AJAP1: variants seen among roughly 807,000 people sequenced by gnomAD.
The protein encoded by AJAP1 is adherens junction-associated protein 1.
Under a neutral mutation model 35.0 loss-of-function variants are expected in AJAP1, and 5 were observed. The observed-to-expected ratio is 0.14, with a 90% CI of 0.07 to 0.30. AJAP1 has a LOEUF of 0.30. Among genes scored for constraint, AJAP1 ranks in the 10% least tolerant of loss-of-function variants. The pLI, the probability that AJAP1 is intolerant of heterozygous loss-of-function variation, is 1.00. For synonymous variants in AJAP1, 284 were observed against 249.3 expected, an observed-to-expected ratio of 1.14 and a Z score of -1.31; for missense variants, 586 against 571.0, an observed-to-expected ratio of 1.03 and a Z score of -0.27.
At chr1:4,768,019 C>A (rs1641728612) in intron 2 of AJAP1, among the ~76,000 whole-genome samples, 2 of 152,186 alleles carry the variant, frequency 1.3e-5, no homozygotes, top group Non-Finnish European at 2.9e-5. Flanking sequence ...AGGGGTGGTC[C>A]CTGTTGCATA....
chr1:4,770,925 A>G (rs755154910), intron 3 of AJAP1, among the ~76,000 whole-genome samples: 2 of 152,068 alleles, frequency 1.3e-5, no homozygotes, highest in Non-Finnish European at 2.9e-5. Flanking sequence ...TTCTGGAGAC[A>G]GGGGATGAGA....
chr1:4,724,328 C>T (rs935046125), intron 2 of AJAP1, among the ~76,000 whole-genome samples: 4 of 152,130 alleles, frequency 2.6e-5, no homozygotes, highest in Admixed American at 2.0e-4. Flanking sequence ...CTGGCCTTGG[C>T]GGCATACCTA....
intron 5 of AJAP1, among the ~76,000 whole-genome samples, chr1:4,778,053 GTATT>G (rs1380620603): frequency 2.6e-5 from 4 of 152,174 alleles, no homozygotes; most frequent in Non-Finnish European, 4.4e-5. Context: ...ATGTATGTAT[GTATT>G]TATTTATTTT....
At chr1:4,660,229 C>T (rs1028918966) in intron 1 of AJAP1, among the ~76,000 whole-genome samples, 1 of 152,198 alleles carries the variant, frequency 6.6e-6, no homozygotes, top group Non-Finnish European at 1.5e-5. Context: ...TGGGGCATGC[C>T]GGCCCTGCAT....
At chr1:4,729,104 T>G (rs775614557) in intron 2 of AJAP1, among the ~76,000 whole-genome samples, 3 of 152,134 alleles carry the variant, frequency 2.0e-5, no homozygotes, top group Non-Finnish European at 4.4e-5. Context: ...GAATTATACA[T>G]CAACACCAAG....
At chr1:4,739,916 A>G (rs1641017815) in intron 2 of AJAP1, among the ~76,000 whole-genome samples, 1 of 152,164 alleles carries the variant, frequency 6.6e-6, no homozygotes, top group African/African-American at 2.4e-5. Flanking sequence ...CTTACCCATC[A>G]TCTACTGAGA....
chr1:4,708,116 C>T (rs1238710655), intron 1 of AJAP1, among the ~76,000 whole-genome samples: 3 of 151,518 alleles, frequency 2.0e-5, no homozygotes, highest in Admixed American at 6.6e-5. Flanking sequence ...TACAGGTGTA[C>T]GCCACCACAC....
intron 2 of AJAP1, among the ~76,000 whole-genome samples, chr1:4,713,812 G>A (rs1459968308): frequency 1.3e-5 from 2 of 152,242 alleles, no homozygotes; most frequent in East Asian, 3.9e-4. Context: ...GCGCCCTGTG[G>A]CCTCCTCACA....
intron 3 of AJAP1, among the ~76,000 whole-genome samples, chr1:4,770,965 T>G (rs1641821582): frequency 6.6e-6 from 1 of 151,892 alleles, no homozygotes; most frequent in South Asian, 2.1e-4. Context: ...GTGGGGCTTC[T>G]TAGGCAGGGG....
Position 4,783,469 on chromosome 1 carries a change from GTGTATATATATATATATATATATA to G in AJAP1, c.*986_*1009del, listed in dbSNP as rs1338447236. ...GAATGCCAAGGTTTTATATATGTGT[GTGTATATATATATATATATATATA>G]TATATATATATATATATGTTTGTGT... On this transcript the variant is annotated 3_prime_UTR_variant, in exon 6 of 6. Coordinates refer to ENST00000378191, the MANE Select transcript of AJAP1 (RefSeq NM_018836.4). 9.9e-5 allele frequency: 11 copies of G among 111,470 alleles called. No individual in the cohort carries two copies. The highest frequency in any genetic ancestry group is 1.8e-4 in the African/African-American group (5 of 28,366). The allele number at this position is 111,470 out of a possible 1,614,324, so 6.9% of individuals were successfully genotyped here. A position where few individuals can be genotyped will look rare whatever the true frequency, so the allele number is the denominator to read the frequency against.
rs1390282980 is a variant in AJAP1, at chr1:4,723,517, G to C, written c.829+10818G>C. 3.3e-5 allele frequency among the ~76,000 whole-genome samples: 5 copies of C among 152,210 alleles called. No homozygotes were observed. Among genetic ancestry groups the C allele is most frequent in the African/African-American group, 4.8e-5 (2 of 41,450 alleles). On this transcript the variant is annotated intron_variant, in intron 2 of 5. Transcript: ENST00000378191. This position sits in a 1 kb window ranked among gnomAD's most constrained non-coding sequence, Gnocchi z 4.3. ...AGGAGGTGGCCAGGAGGCTGCAGGA[G>C]AAAGCTGTTCCCAGAGCATGGAGGG...
intron 5 of AJAP1, 117 bp downstream of exon 5, chr1:4,774,675 C>T (rs1641907600): frequency 1.6e-6 from 1 of 613,360 alleles, no homozygotes; most frequent in Non-Finnish European, 2.9e-6. Flanking sequence ...GGTGGATTTC[C>T]AATGGCATCA....
At chr1:4,695,875 C>T (rs936509580) in intron 1 of AJAP1, among the ~76,000 whole-genome samples, 22 of 152,204 alleles carry the variant, frequency 1.4e-4, no homozygotes, top group African/African-American at 4.6e-4. Flanking sequence ...AGACCCAAGT[C>T]GGCCCCTAAC....
chr1:4,762,402 GTGGTATTAGC>G (rs1402383294), intron 2 of AJAP1, among the ~76,000 whole-genome samples: 1 of 152,228 alleles, frequency 6.6e-6, no homozygotes, highest in Non-Finnish European at 1.5e-5. Context: ...GTGGGGTATT[GTGGTATTAGC>G]TTGACCTTCA....
At chr1:4,664,372 A>C (rs529932941) in intron 1 of AJAP1, among the ~76,000 whole-genome samples, 1 of 152,250 alleles carries the variant, frequency 6.6e-6, no homozygotes, top group Admixed American at 6.5e-5. Flanking sequence ...CAGAACATAC[A>C]TGGATGCCCA....
intron 5 of AJAP1, among the ~76,000 whole-genome samples, chr1:4,779,109 G>A (rs1000968200): frequency 4.6e-5 from 7 of 152,198 alleles, no homozygotes; most frequent in African/African-American, 7.2e-5. Context: ...AATAGGGGAT[G>A]TGTGTAGGAA....
In AJAP1 at chr1:4,785,491, G is replaced by T. The variant is rs958266523; in HGVS notation, c.*3006G>T. 1 of 152,216 alleles carries T rather than the reference G, an allele frequency of 6.6e-6. No homozygotes were observed. The highest frequency in any genetic ancestry group is 1.5e-5 in the Non-Finnish European group (1 of 68,052). 9.4% of individuals were successfully genotyped at this position (152,216 alleles called of 1,614,324 possible). ...GTCTAGGTAAGAGGAGATAATGAGT[G>T]AAAGTGACTGGGCCTCGGAAATGCA... is the stretch of plus-strand genomic sequence containing the variant. On this transcript the variant is annotated 3_prime_UTR_variant, in exon 6 of 6. Coordinates refer to ENST00000378191, the MANE Select transcript of AJAP1 (RefSeq NM_018836.4).
rs1638883320 is a variant in AJAP1 at position 4,656,410 on chromosome 1, C to CG, written c.29+960dup. ...TTGGGTCCCGGGTTGGAACCGCGAG[C>CG]GGGGAGGACAGAGGTGGAGGCGGAG... On this transcript the variant is annotated intron_variant, in intron 1 of 5. Transcript: ENST00000378191. This position sits in a 1 kb window ranked among gnomAD's most constrained non-coding sequence, Gnocchi z 5.7. 6.6e-6 allele frequency among the ~76,000 whole-genome samples: 1 copy of CG among 152,210 alleles called. No homozygotes were observed. The highest frequency in any genetic ancestry group is 2.4e-5 in the African/African-American group (1 of 41,450).
intron 2 of AJAP1, among the ~76,000 whole-genome samples, chr1:4,751,635 G>A (rs928761690): frequency 6.6e-6 from 1 of 152,238 alleles, no homozygotes; most frequent in African/African-American, 2.4e-5. Context: ...CGCACATTCT[G>A]TCTGGGAGTC....
Sources: allele counts gnomAD v4.1 joint callset (sites outside exome capture counted in the v4.1 genomes callset), GRCh38; gene constraint gnomAD v4.1.1; non-coding constraint Gnocchi (gnomAD v3.1); transcripts MANE v1.5; gene names NCBI Gene and HGNC (gene_info 2026-07-23, HGNC 2026-07-21).